Variants in C16orf78 observed in about 807,000 individuals in gnomAD.
The protein encoded by C16orf78 is chromosome 16 open reading frame 78, also known as uncharacterized protein C16orf78.
A neutral mutation model predicts 27.3 loss-of-function variants in C16orf78; 19 were observed. That is an observed-to-expected ratio of 0.70 (90% CI 0.49 to 1.02). C16orf78 has a LOEUF of 1.02. C16orf78 is among the 50% of genes least tolerant of loss of function. C16orf78 has a pLI of 0.00. For synonymous variants in C16orf78, 130 were observed against 116.1 expected (o/e 1.12, Z -0.77); for missense variants, 339 against 337.0 (o/e 1.01, Z -0.05).
At chr16:49,388,124 A>G (rs1050158986) in intron 3 of C16orf78, among the ~76,000 whole-genome samples, 1 of 152,142 alleles carries the variant, frequency 6.6e-6, no homozygotes, top group South Asian at 2.1e-4. Flanking sequence ...GTCTCTATTA[A>G]GAAAAAAAAA....
intron 2 of C16orf78, 28 bp downstream of exon 2, chr16:49,377,878 C>T: frequency 6.4e-7 from 1 of 1,553,724 alleles, no homozygotes; most frequent in Non-Finnish European, 8.7e-7. Context: ...CCCCCACTCA[C>T]CCCCACTGGG....
At chr16:49,374,400 C>A (rs1257815387) in intron 1 of C16orf78, among the ~76,000 whole-genome samples, 1 of 152,156 alleles carries the variant, frequency 6.6e-6, no homozygotes, top group African/African-American at 2.4e-5. Flanking sequence ...GAAAAACATT[C>A]CTGGATTGTA....
At chr16:49,380,404 C>T (rs1965272240) in intron 3 of C16orf78, among the ~76,000 whole-genome samples, 1 of 152,172 alleles carries the variant, frequency 6.6e-6, no homozygotes, top group Admixed American at 6.6e-5. Flanking sequence ...TTGCCTTATG[C>T]CTTATGGGAA....
intron 2 of C16orf78, among the ~76,000 whole-genome samples, chr16:49,378,184 C>T (rs1331137205): frequency 6.6e-6 from 1 of 152,198 alleles, no homozygotes; most frequent in Non-Finnish European, 1.5e-5. Context: ...ACACAGCTAA[C>T]AGGGCAGAAC....
chr16:49,375,002 C>CT, intron 1 of C16orf78, among the ~76,000 whole-genome samples: 1 of 152,318 alleles, frequency 6.6e-6, no homozygotes, highest in East Asian at 1.9e-4. Flanking sequence ...TTAATGTTTA[C>CT]TGTGGTCAAG....
intron 3 of C16orf78, among the ~76,000 whole-genome samples, chr16:49,388,311 G>T (rs1307968183): frequency 6.6e-6 from 1 of 152,022 alleles, no homozygotes; most frequent in Non-Finnish European, 1.5e-5. Context: ...AGGTTGGTAA[G>T]TTGAGATTTC....
At chr16:49,379,920 G>C (rs1965266992) in intron 3 of C16orf78, among the ~76,000 whole-genome samples, 1 of 152,158 alleles carries the variant, frequency 6.6e-6, no homozygotes, top group South Asian at 2.1e-4. Flanking sequence ...GACTGGGAGA[G>C]GCAGACCCAC....
In C16orf78 at chr16:49,383,182, T is replaced by C. The variant is rs567080611; in HGVS notation, c.394+4589T>C. Among the ~76,000 whole-genome samples, 7 of 152,312 alleles carry C rather than the reference T, an allele frequency of 4.6e-5. No homozygotes were observed. In the East Asian group the frequency reaches 1.4e-3, roughly 29 times the overall value. On this transcript the variant is annotated intron_variant, in intron 3 of 4. Transcript: ENST00000299191. ...CAAGTGCAAAAGGTGCTCAGAGGCA[T>C]CTAGGAACAGTCTGGGCCTCAAGAT... is the stretch of plus-strand genomic sequence containing the variant.
chr16:49,375,083 T>C (rs1965197309), intron 1 of C16orf78, among the ~76,000 whole-genome samples: 1 of 152,194 alleles, frequency 6.6e-6, no homozygotes, highest in South Asian at 2.1e-4. Context: ...GGAGGCACCA[T>C]TTTTACCCCT....
intron 3 of C16orf78, among the ~76,000 whole-genome samples, chr16:49,380,325 G>A (rs194435): frequency 0.2 from 30,832 of 151,976 alleles, 3,931 homozygotes; most frequent in East Asian, 0.39. Context: ...TCTGACCCTC[G>A]ATGGAACCTT....
intron 3 of C16orf78, among the ~76,000 whole-genome samples, chr16:49,388,235 T>G (rs929841627): frequency 6.6e-6 from 1 of 152,168 alleles, no homozygotes. Context: ...TTTGGTTATT[T>G]CTTGTTTTCT....
chr16:49,397,138 C>A (rs27796), intron 4 of C16orf78, among the ~76,000 whole-genome samples: 10,805 of 152,110 alleles, frequency 0.071, 1,064 homozygotes, highest in African/African-American at 0.22. Flanking sequence ...AGTGTGAAAC[C>A]ATTTGATATT....
chr16:49,398,998 T>A (rs1965508311), intron 4 of C16orf78, 133 bp from the exon 5 acceptor site: 2 of 960,090 alleles, frequency 2.1e-6, no homozygotes, highest in Admixed American at 2.4e-5. Flanking sequence ...ATCAGCTCCA[T>A]GGATGACTGG....
Position 49,389,451 on chromosome 16 carries a change from C to A in C16orf78, c.395-6972C>A, listed in dbSNP as rs376027112. Among the ~76,000 whole-genome samples the A allele has an allele frequency of 7.9e-5, 12 of 151,304 alleles. No individual in the cohort carries two copies. The East Asian group carries it at 2.1e-3, about 27-fold the overall frequency. On this transcript the variant is annotated intron_variant, in intron 3 of 4. Coordinates refer to ENST00000299191, the MANE Select transcript of C16orf78 (RefSeq NM_144602.4). Reference sequence around the variant, plus strand: ...AAAAAAAAAAAAATACAAAAATTAGCCAAGCGTGGTGACACACACCTGTAA... The same window carrying A: ...AAAAAAAAAAAAATACAAAAATTAGACAAGCGTGGTGACACACACCTGTAA...
chr16:49,389,910 A>C (rs967928139), intron 3 of C16orf78, among the ~76,000 whole-genome samples: 1 of 152,188 alleles, frequency 6.6e-6, no homozygotes, highest in African/African-American at 2.4e-5. Context: ...TTCTACCTGA[A>C]GATTTTTCTT....
intron 3 of C16orf78, among the ~76,000 whole-genome samples, chr16:49,380,776 T>G (rs994930061): frequency 2.0e-5 from 3 of 152,118 alleles, no homozygotes; most frequent in Non-Finnish European, 4.4e-5. Context: ...GTCTAACGTT[T>G]AAGTCTTTAA....
At chr16:49,388,687 T>G (rs1965377636) in intron 3 of C16orf78, among the ~76,000 whole-genome samples, 1 of 151,922 alleles carries the variant, frequency 6.6e-6, no homozygotes, top group Non-Finnish European at 1.5e-5. Flanking sequence ...AATTTTTGTA[T>G]TTTTTTTGTA....
rs775533178 is a variant in C16orf78, at chr16:49,378,591, C to T, written c.392C>T (p.Ser131Phe). The change falls in exon 3 of 5, where the codon TCT becomes TTT. Residue 131 changes from serine to phenylalanine, a missense_variant and splice_region_variant. By Grantham distance (155) the Ser-to-Phe change is radical. Coordinates refer to ENST00000299191, the MANE Select transcript of C16orf78 (RefSeq NM_144602.4). ...GSYIKDGPKK[S>F]DTDIKDAVDP... ...TACATCAAGGATGGCCCCAAGAAAT[C>T]TGGTAAGGGAAAAACCTTGGCCCCG... 6.2e-7 allele frequency: 1 copy of T among 1,613,872 alleles called. No homozygotes were observed. Among genetic ancestry groups the T allele is most frequent in the Non-Finnish European group, 8.5e-7 (1 of 1,179,930 alleles).
chr16:49,379,108 T>C (rs765757765), intron 3 of C16orf78, among the ~76,000 whole-genome samples: 2 of 152,128 alleles, frequency 1.3e-5, no homozygotes, highest in Non-Finnish European at 2.9e-5. Flanking sequence ...AGTTGTATAA[T>C]CCTGGACAAC....
Sources: gnomAD v4.1 joint callset for allele counts (sites outside exome capture counted in the v4.1 genomes callset) on GRCh38, gnomAD v4.1.1 for gene constraint, MANE v1.5 for transcripts, NCBI Gene and HGNC (gene_info 2026-07-23, HGNC 2026-07-21) for gene names.